LCORL: variants seen among roughly 807,000 people sequenced by gnomAD.
LCORL encodes the protein ligand dependent nuclear receptor corepressor like, also known as ligand-dependent nuclear receptor corepressor-like protein.
Under a neutral mutation model 141.8 loss-of-function variants are expected in LCORL, and 41 were observed. The ratio of observed to expected loss-of-function variants is 0.29; its 90% confidence interval spans 0.23 to 0.38. The LOEUF is 0.38. Ranked by LOEUF, LCORL falls within the 10% of genes least tolerant of loss-of-function variation. The pLI is 1.00. For synonymous variants in LCORL, 618 were observed against 694.1 expected, an observed-to-expected ratio of 0.89 and a Z score of 1.72; for missense variants, 1,759 against 2,035.0, an observed-to-expected ratio of 0.86 and a Z score of 2.61.
intron 7 of LCORL, among the ~76,000 whole-genome samples, chr4:17,862,234 T>C (rs1338551594): frequency 1.3e-5 from 2 of 152,224 alleles, no homozygotes; most frequent in Non-Finnish European, 2.9e-5. Context: ...TTCACATTGC[T>C]GGGGAAGCCT....
intron 4 of LCORL, among the ~76,000 whole-genome samples, chr4:17,916,251 G>A (rs1003016575): frequency 1.8e-4 from 27 of 152,188 alleles, no homozygotes; most frequent in Non-Finnish European, 4.4e-5. Context: ...ATTTGAGACT[G>A]AGCGCCCATC....
At chr4:17,883,697 C>G in intron 6 of LCORL, 3 of 1,501,200 alleles carry the variant, frequency 2.0e-6, no homozygotes, top group Non-Finnish European at 2.7e-6. Context: ...CACACACTCA[C>G]AAACATTTTC....
intron 4 of LCORL, among the ~76,000 whole-genome samples, chr4:17,927,884 C>T (rs1157123188): frequency 2.0e-5 from 3 of 152,150 alleles, no homozygotes; most frequent in African/African-American, 7.2e-5. Flanking sequence ...GAAAACGGCG[C>T]AAACAGACTT....
chr4:17,911,787 T>G (rs1577395766), intron 4 of LCORL: 1 of 453,966 alleles, frequency 2.2e-6, no homozygotes, highest in East Asian at 5.3e-5. Flanking sequence ...TCTATGCAGG[T>G]GCCGGGAGCT....
intron 5 of LCORL, 72 bp from the exon 6 acceptor site, chr4:17,886,233 A>G (rs1728251560): frequency 1.2e-6 from 1 of 805,602 alleles, no homozygotes; most frequent in Non-Finnish European, 2.1e-6. Context: ...AATATTTCAT[A>G]TTTTGTTGAT....
chr4:17,909,056 C>A (rs761551941), intron 5 of LCORL, 38 bp downstream of exon 5: 1 of 1,509,246 alleles, frequency 6.6e-7, no homozygotes, highest in East Asian at 2.3e-5. Context: ...CGATATAAAA[C>A]ATCAAATTAT....
Position 18,021,686 on chromosome 4 carries a change from AGCGGCG to A in LCORL, c.60_65del (p.Ala21_Ala22del), listed in dbSNP as rs751821670. The A allele has an allele frequency of 6.1e-5, 93 of 1,533,372 alleles. 1 individual carries two copies. In the South Asian group the frequency reaches 7.9e-4, roughly 13 times the overall value. 95.0% of individuals were successfully genotyped at this position (1,533,372 alleles called of 1,614,324 possible). Reference sequence around the variant, plus strand: ...CCGCGCACCGAGGGCTCCGGCACTGAGCGGCGGCGGCGGCGGCGGCAGCAGCGGCGG... The same window carrying A: ...CCGCGCACCGAGGGCTCCGGCACTGAGCGGCGGCGGCGGCAGCAGCGGCGG... On this transcript the variant is annotated inframe_deletion, in exon 1 of 8. Transcript: ENST00000635767. This position sits in a 1 kb window ranked among gnomAD's most constrained non-coding sequence, Gnocchi z 5.5.
chr4:17,916,595 A>C (rs1048288961), intron 4 of LCORL, among the ~76,000 whole-genome samples: 1 of 151,530 alleles, frequency 6.6e-6, no homozygotes, highest in African/African-American at 2.4e-5. Context: ...TCATGCTTGC[A>C]CAGACTTACA....
intron 4 of LCORL, among the ~76,000 whole-genome samples, chr4:17,941,634 C>CAA (rs1461801861): frequency 1.3e-5 from 2 of 152,118 alleles, no homozygotes; most frequent in Non-Finnish European, 2.9e-5. Context: ...AATAATGGCA[C>CAA]AAGTCTTCCA....
intron 7 of LCORL, among the ~76,000 whole-genome samples, chr4:17,859,739 G>C (rs1724781179): frequency 6.6e-6 from 1 of 152,258 alleles, no homozygotes; most frequent in African/African-American, 2.4e-5. Flanking sequence ...CAAATGTATG[G>C]TTGTAACAAC....
intron 2 of LCORL, among the ~76,000 whole-genome samples, chr4:17,965,227 T>C (rs1330355678): frequency 6.6e-6 from 1 of 152,106 alleles, no homozygotes; most frequent in Admixed American, 6.6e-5. Flanking sequence ...TTACAAATAT[T>C]TAATCACTCT....
At chr4:17,975,296 T>C (rs1716729486) in intron 1 of LCORL, among the ~76,000 whole-genome samples, 1 of 152,176 alleles carries the variant, frequency 6.6e-6, no homozygotes, top group Non-Finnish European at 1.5e-5. Context: ...AAATTGTTTA[T>C]AATTTCCCTT....
At chr4:17,842,231 TTTAG>T in exon 8 of LCORL, 1 of 1,222,330 alleles carries the variant, frequency 8.2e-7, no homozygotes, top group Non-Finnish European at 1.2e-6. Context: ...AGACAAAGGA[TTTAG>T]TTAGCCTAGA....
intron 2 of LCORL, among the ~76,000 whole-genome samples, chr4:17,966,301 T>C (rs1317641249): frequency 6.6e-6 from 1 of 152,068 alleles, no homozygotes; most frequent in Non-Finnish European, 1.5e-5. Context: ...CACAAATTTT[T>C]AATACTAGAA....
intron 2 of LCORL, among the ~76,000 whole-genome samples, chr4:17,970,332 A>C (rs2109654052): frequency 6.6e-6 from 1 of 152,320 alleles, no homozygotes; most frequent in South Asian, 2.1e-4. Context: ...CTACATTTCC[A>C]AGCAAGCTAT....
At chr4:17,941,837 A>G (rs1738021253) in intron 4 of LCORL, among the ~76,000 whole-genome samples, 1 of 141,820 alleles carries the variant, frequency 7.1e-6, no homozygotes, top group Non-Finnish European at 1.5e-5. Flanking sequence ...ATGCTGAATC[A>G]TTTCCCATGA....
intron 4 of LCORL, among the ~76,000 whole-genome samples, chr4:17,953,453 T>C (rs191482864): frequency 1.5e-3 from 222 of 152,328 alleles, no homozygotes; most frequent in Non-Finnish European, 2.5e-3. Context: ...ATTAGGGATG[T>C]ACAAAATCAC....
chr4:17,954,116 T>C (rs576138878), intron 4 of LCORL, among the ~76,000 whole-genome samples: 4 of 152,242 alleles, frequency 2.6e-5, no homozygotes, highest in Admixed American at 6.5e-5. Flanking sequence ...TGAGCCGAGA[T>C]TGCGCTACTG....
At chr4:17,961,911 C>A (rs151054620) in exon 4 of LCORL, 4 of 1,607,280 alleles carry the variant, frequency 2.5e-6, no homozygotes, top group Admixed American at 3.4e-5. Flanking sequence ...ACCTTTCTTT[C>A]GAAAGAGTGC....
Sources: allele counts gnomAD v4.1 joint callset (sites outside exome capture counted in the v4.1 genomes callset), GRCh38; gene constraint gnomAD v4.1.1; non-coding constraint Gnocchi (gnomAD v3.1); transcripts MANE v1.5; gene names NCBI Gene and HGNC (gene_info 2026-07-23, HGNC 2026-07-21).